The following NRG1 variants were observed in gnomAD, a reference collection of about 807,000 sequenced individuals.
NRG1 encodes the protein pro-neuregulin-1, membrane-bound isoform.
Under a neutral mutation model 63.8 loss-of-function variants are expected in NRG1, and 18 were observed. The observed-to-expected ratio is 0.28, with a 90% CI of 0.19 to 0.42. The LOEUF is 0.42. NRG1 is among the 10% of genes least tolerant of loss of function. NRG1 has a pLI of 1.00. For missense variants in NRG1, 762 were observed against 814.7 expected (o/e 0.94, Z 0.79); for synonymous variants, 302 against 301.3 (o/e 1.00, Z -0.02).
intron 1 of NRG1, among the ~76,000 whole-genome samples, chr8:32,350,766 A>C (rs1805498177): frequency 6.6e-6 from 1 of 152,076 alleles, no homozygotes; most frequent in African/African-American, 2.4e-5. Flanking sequence ...ATAACTAGGA[A>C]TTATAAATAA....
intron 1 of NRG1, among the ~76,000 whole-genome samples, chr8:32,555,629 G>T (rs1488679434): frequency 6.6e-6 from 1 of 152,024 alleles, no homozygotes; most frequent in Non-Finnish European, 1.5e-5. Context: ...CCACCACCAC[G>T]CCCGGCTGAT....
chr8:32,275,840 GC>G (rs140987017), intron 1 of NRG1, among the ~76,000 whole-genome samples: 13,078 of 152,040 alleles, frequency 0.086, 626 homozygotes, highest in African/African-American at 0.12. Context: ...CCCAGACCAT[GC>G]TTTGAGTAGC....
chr8:32,087,482 C>CTTTTTTTTTTTTTTTTTTTTT (rs67438409), intron 1 of NRG1, among the ~76,000 whole-genome samples: 1 of 90,278 alleles, frequency 1.1e-5, no homozygotes, highest in Non-Finnish European at 2.1e-5. Context: ...TCTTTTCTTT[C>CTTTTTTTTTTTTTTTTTTTTT]TTTTTTTTTT....
chr8:32,315,047 G>C (rs1019070219), intron 1 of NRG1, among the ~76,000 whole-genome samples: 1 of 152,088 alleles, frequency 6.6e-6, no homozygotes, highest in Non-Finnish European at 1.5e-5. Flanking sequence ...ACAACACCCT[G>C]TGTTCTGTGT....
chr8:32,602,407 T>C (rs1329063556), intron 2 of NRG1, among the ~76,000 whole-genome samples: 1 of 152,124 alleles, frequency 6.6e-6, no homozygotes, highest in African/African-American at 2.4e-5. Context: ...CCATGTTTTC[T>C]TATAGTTCCA....
chr8:31,947,306 C>CAAAAAAAAAAAAAAAAAAA (rs61713691), intron 1 of NRG1, among the ~76,000 whole-genome samples: 8 of 132,712 alleles, frequency 6.0e-5, no homozygotes, highest in African/African-American at 2.2e-4. Flanking sequence ...GACTCCGTCT[C>CAAAAAAAAAAAAAAAAAAA]AAAAAAAAAA....
At chr8:32,395,391 T>C (rs554158467) in intron 1 of NRG1, among the ~76,000 whole-genome samples, 2 of 152,330 alleles carry the variant, frequency 1.3e-5, no homozygotes, top group Admixed American at 6.5e-5. Context: ...ATCCTTATCA[T>C]GCAATGACTG....
At chr8:32,436,749 C>T (rs998874845) in intron 1 of NRG1, among the ~76,000 whole-genome samples, 1 of 152,080 alleles carries the variant, frequency 6.6e-6, no homozygotes, top group African/African-American at 2.4e-5. Context: ...TTGTATGTTT[C>T]TATTCTTTGC....
intron 1 of NRG1, chr8:31,641,654 A>G (rs1381022653): frequency 3.3e-5 from 5 of 152,120 alleles, no homozygotes; most frequent in Non-Finnish European, 7.3e-5. Flanking sequence ...TATCTGTATA[A>G]TTTCCTGATT....
rs781668594 is a variant in NRG1, at chr8:32,763,371, A to C, written c.1260-377A>C. ...TGGCCTTTAGGAAGGTATAGTATTT[A>C]AGTAATACTTCTTTCCCTTCCGAAT... On this transcript the variant is annotated intron_variant, in intron 11 of 11. Coordinates refer to ENST00000356819, the Ensembl canonical transcript of NRG1. 6.2e-6 allele frequency: 10 copies of C among 1,612,428 alleles called. No homozygotes were observed. In the South Asian group the frequency reaches 1.1e-4, roughly 18 times the overall value.
chr8:31,996,761 TAAAAGCCTAA>T (rs1039888806), intron 1 of NRG1, among the ~76,000 whole-genome samples: 13 of 151,980 alleles, frequency 8.6e-5, no homozygotes, highest in Admixed American at 3.9e-4. Flanking sequence ...CTCAATTGAC[TAAAAGCCTAA>T]ATGAAAAATA....
chr8:32,696,555 T>C (rs933192376), intron 5 of NRG1, among the ~76,000 whole-genome samples: 2 of 152,166 alleles, frequency 1.3e-5, no homozygotes, highest in Admixed American at 1.3e-4. Context: ...TTTTACCACT[T>C]TTGCCTGCCC....
At chr8:32,699,895 T>G (rs1814397508) in intron 5 of NRG1, among the ~76,000 whole-genome samples, 1 of 152,234 alleles carries the variant, frequency 6.6e-6, no homozygotes, top group African/African-American at 2.4e-5. Flanking sequence ...ATAACTCGAA[T>G]TATTTATAAA....
In NRG1 at chr8:31,970,094, G is replaced by A. The variant is rs114630419; in HGVS notation, c.37+330663G>A. 2.4e-3 allele frequency among the ~76,000 whole-genome samples: 372 copies of A among 152,166 alleles called. 2 individuals are homozygous for A. The highest frequency in any genetic ancestry group is 8.6e-3 in the African/African-American group (357 of 41,500). On this transcript the variant is annotated intron_variant, in intron 1 of 10. Coordinates refer to the NRG1 transcript ENST00000519301. ...ATATAGTGAGTATAATTGAGTATAC[G>A]GTGGGTGGCTTTCAAGCGTATCTTT... is the stretch of plus-strand genomic sequence containing the variant.
At chr8:32,596,293 A>G (rs927057613) in intron 2 of NRG1, among the ~76,000 whole-genome samples, 15 of 152,134 alleles carry the variant, frequency 9.9e-5, no homozygotes, top group African/African-American at 3.6e-4. Context: ...AGATGCTGTC[A>G]TAGTAATAGA....
In NRG1 at chr8:32,585,314, T is replaced by C. The variant is rs1841398320; in HGVS notation, c.101-10514T>C. Reference sequence around the variant, plus strand: ...AACTGTACTGGATCCATTTTAACCCTGTGAGTTGATTGCTTTCAGTGAAGC... The same window carrying C: ...AACTGTACTGGATCCATTTTAACCCCGTGAGTTGATTGCTTTCAGTGAAGC... On this transcript the variant is annotated intron_variant, in intron 1 of 11. Coordinates refer to ENST00000356819, the Ensembl canonical transcript of NRG1. Among the ~76,000 whole-genome samples, 3 of 152,234 alleles carry C rather than the reference T, an allele frequency of 2.0e-5. No homozygotes were observed. The South Asian group carries it at 6.2e-4, about 31-fold the overall frequency.
intron 1 of NRG1, among the ~76,000 whole-genome samples, chr8:32,110,308 G>A (rs760574911): frequency 7.6e-4 from 116 of 152,160 alleles, no homozygotes; most frequent in South Asian, 1.7e-3. Context: ...AAATGTCAGA[G>A]AAGAAAGAGC....
At chr8:31,693,963 G>T (rs60879671) in intron 1 of NRG1, among the ~76,000 whole-genome samples, 22,267 of 151,980 alleles carry the variant, frequency 0.15, 2,043 homozygotes, top group Non-Finnish European at 0.19. Flanking sequence ...TTAGACTCTC[G>T]AGTAGGTGGG....
rs776097956 is a variant in NRG1 at position 31,892,959 on chromosome 8, G to A, written c.37+253528G>A. Among the ~76,000 whole-genome samples, 7 of 151,902 alleles carry A rather than the reference G, an allele frequency of 4.6e-5. No homozygotes were observed. In the East Asian group the frequency reaches 7.7e-4, roughly 17 times the overall value. On this transcript the variant is annotated intron_variant, in intron 1 of 10. Transcript: ENST00000519301. Reference sequence around the variant, plus strand: ...CTAATTTTCTGGTAAGATATAATATGTGGGATTATCACTACTACTTTTCAA... The same window carrying A: ...CTAATTTTCTGGTAAGATATAATATATGGGATTATCACTACTACTTTTCAA...
Sources: gnomAD v4.1 joint callset for allele counts (sites outside exome capture counted in the v4.1 genomes callset) on GRCh38, gnomAD v4.1.1 for gene constraint, MANE v1.5 for transcripts, NCBI Gene and HGNC (gene_info 2026-07-23, HGNC 2026-07-21) for gene names.